Variants in ANOS1 observed in about 807,000 individuals in gnomAD.
ANOS1 encodes anosmin 1.
ANOS1 carries 6 observed loss-of-function variants against 59.0 expected under a neutral mutation model. The ratio of observed to expected loss-of-function variants is 0.10; its 90% CI spans 0.06 to 0.20. ANOS1 has a LOEUF of 0.20. Ranked by LOEUF, ANOS1 falls within the 10% of genes least tolerant of loss-of-function variation. The pLI, the probability that ANOS1 is intolerant of heterozygous loss-of-function variation, is 1.00. For synonymous variants in ANOS1, 217 were observed against 223.4 expected, an observed-to-expected ratio of 0.97 and a Z score of 0.25; for missense variants, 433 against 542.3, an observed-to-expected ratio of 0.80 and a Z score of 2.00.
At chrX:8,661,411 T>C (rs753816553) in intron 2 of ANOS1, among the ~76,000 whole-genome samples, 1 of 111,692 alleles carries the variant, frequency 9.0e-6, no homozygotes, top group South Asian at 3.8e-4. Context: ...GTCTGTGTCC[T>C]CATCTTCTTA....
chrX:8,725,766 A>T (rs1162783401), intron 1 of ANOS1, among the ~76,000 whole-genome samples: 1 of 102,491 alleles, frequency 9.8e-6, no homozygotes, highest in Non-Finnish European at 2.0e-5. Context: ...AGATATATAT[A>T]TTTGATATAC....
At chrX:8,666,213 C>G (rs753666100) in intron 2 of ANOS1, among the ~76,000 whole-genome samples, 1 of 110,281 alleles carries the variant, frequency 9.1e-6, no homozygotes, top group Admixed American at 9.8e-5. Flanking sequence ...AAATATGATA[C>G]TAATAAAAGA....
In ANOS1 at chrX:8,667,596, G is replaced by A. The variant is rs139290486; in HGVS notation, c.255+32102C>T. On this transcript the variant is annotated intron_variant, in intron 2 of 13. Transcript: ENST00000262648. ...CACTGTGGGCCGGGGCTTGCACAGT[G>A]GGCAAGAGACGAAGTGTTGACTGTA... 9.8e-5 allele frequency among the ~76,000 whole-genome samples: 11 copies of A among 111,776 alleles called. No homozygotes were observed. In the East Asian group the frequency reaches 2.8e-3, roughly 29 times the overall value.
At chrX:8,652,420 A>G (rs1337311878) in intron 2 of ANOS1, among the ~76,000 whole-genome samples, 1 of 111,822 alleles carries the variant, frequency 8.9e-6, no homozygotes, top group Non-Finnish European at 1.9e-5. Context: ...GTGTGATACC[A>G]AACTACACTC....
chrX:8,651,666 T>C (rs1931852724), intron 2 of ANOS1, among the ~76,000 whole-genome samples: 1 of 112,229 alleles, frequency 8.9e-6, no homozygotes, highest in African/African-American at 3.2e-5. Flanking sequence ...CACTCAATAA[T>C]AAAACATTTT....
intron 1 of ANOS1, among the ~76,000 whole-genome samples, chrX:8,708,909 T>C (rs1426723194): frequency 2.7e-5 from 3 of 111,850 alleles, no homozygotes; most frequent in African/African-American, 9.8e-5. Flanking sequence ...GTGGCACATA[T>C]ACACCATGGA....
At chrX:8,724,471 G>C (rs1290110475) in intron 1 of ANOS1, among the ~76,000 whole-genome samples, 2 of 112,257 alleles carry the variant, frequency 1.8e-5, no homozygotes, top group African/African-American at 3.2e-5. Flanking sequence ...GATGCTTTTG[G>C]GCATGAATTG....
At chrX:8,565,045 G>T (rs1036110523) in intron 8 of ANOS1, among the ~76,000 whole-genome samples, 1 of 111,987 alleles carries the variant, frequency 8.9e-6, no homozygotes, top group African/African-American at 3.2e-5. Context: ...GAGATCCAGG[G>T]TTCCATAAAA....
At position 8,689,788 on chromosome X, in the gene ANOS1, G is replaced by A. The variant is rs751779319; in HGVS notation, c.255+9910C>T. On this transcript the variant is annotated intron_variant, in intron 2 of 13. Coordinates refer to ENST00000262648, the MANE Select transcript of ANOS1 (RefSeq NM_000216.4). ...TTAAAAAAAAAACAAAAAAAAAAAAGAGAGAGAGAGAGAAAGAGAGAGAGA... is the reference window on the plus strand; with the variant it reads ...TTAAAAAAAAAACAAAAAAAAAAAAAAGAGAGAGAGAGAAAGAGAGAGAGA... Among the ~76,000 whole-genome samples the A allele has an allele frequency of 2.0e-4, 21 of 105,642 alleles. No homozygotes were observed. The East Asian group carries it at 5.6e-3, about 28-fold the overall frequency. 91.7% of individuals were successfully genotyped at this position (105,642 alleles called of 115,157 possible).
intron 2 of ANOS1, among the ~76,000 whole-genome samples, chrX:8,668,658 T>C (rs1384002984): frequency 9.3e-6 from 1 of 107,423 alleles, no homozygotes; most frequent in African/African-American, 3.4e-5. Context: ...TTCCACATTT[T>C]TACAATTGTG....
intron 3 of ANOS1, among the ~76,000 whole-genome samples, chrX:8,621,181 C>T (rs1931286225): frequency 9.1e-6 from 1 of 110,231 alleles, no homozygotes; most frequent in Admixed American, 9.7e-5. Context: ...GCCTGGCTAA[C>T]ACGCAAAACT....
chrX:8,696,694 G>A lies in ANOS1; in HGVS notation c.255+3004C>T, dbSNP rs774722727. ...TCAATCTCAGCATTACTAATATTTG[G>A]AGCCAGATAATCCTTGCTGTGGGAG... On this transcript the variant is annotated intron_variant, in intron 2 of 13. Transcript: ENST00000262648. Among the ~76,000 whole-genome samples the A allele has an allele frequency of 6.2e-5, 7 of 112,511 alleles. 1 individual carries two copies. Among genetic ancestry groups the A allele is most frequent in the Admixed American group, 3.8e-4 (4 of 10,647 alleles).
intron 8 of ANOS1, among the ~76,000 whole-genome samples, chrX:8,560,905 T>C (rs1236679386): frequency 1.8e-5 from 2 of 112,721 alleles, no homozygotes; most frequent in African/African-American, 6.4e-5. Flanking sequence ...TGCAAGACTT[T>C]TCTGCTTTCT....
intron 9 of ANOS1, among the ~76,000 whole-genome samples, chrX:8,549,968 T>C (rs887126192): frequency 8.9e-6 from 1 of 111,943 alleles, no homozygotes; most frequent in Non-Finnish European, 1.9e-5. Context: ...GTATCACTTT[T>C]AGTCACCATT....
intron 5 of ANOS1, among the ~76,000 whole-genome samples, chrX:8,587,131 T>G (rs200139719): frequency 1.2e-3 from 116 of 95,212 alleles, no homozygotes; most frequent in Non-Finnish European, 2.0e-3. Flanking sequence ...TGTGTGTGTG[T>G]GTGGGGGGGT....
intron 1 of ANOS1, among the ~76,000 whole-genome samples, chrX:8,705,560 C>T (rs780740233): frequency 4.5e-4 from 50 of 111,421 alleles, no homozygotes; most frequent in Non-Finnish European, 6.8e-4. Flanking sequence ...AATAAACCCC[C>T]GATTAATGCT....
chrX:8,668,440 T>C (rs867558192), intron 2 of ANOS1, among the ~76,000 whole-genome samples: 122 of 71,953 alleles, frequency 1.7e-3, no homozygotes, highest in East Asian at 6.6e-3. Context: ...TACACACACA[T>C]ACATATATAT....
intron 1 of ANOS1, among the ~76,000 whole-genome samples, chrX:8,714,628 T>C (rs982009072): frequency 2.7e-5 from 3 of 111,811 alleles, no homozygotes; most frequent in African/African-American, 9.8e-5. Flanking sequence ...GTTGTTGTTT[T>C]AATGGTAAAG....
At chrX:8,564,859 G>A (rs5933666) in intron 8 of ANOS1, among the ~76,000 whole-genome samples, 1 of 110,029 alleles carries the variant, frequency 9.1e-6, no homozygotes, top group African/African-American at 3.3e-5. Context: ...GGCTTACTGA[G>A]AGGAAGGGAT....
Sources: gnomAD v4.1 joint callset for allele counts (sites outside exome capture counted in the v4.1 genomes callset) on GRCh38, gnomAD v4.1.1 for gene constraint, MANE v1.5 for transcripts, NCBI Gene and HGNC (gene_info 2026-07-23, HGNC 2026-07-21) for gene names.